KIFC3: variants seen among roughly 807,000 people sequenced by gnomAD.
KIFC3 encodes kinesin family member C3.
Under a neutral mutation model 101.8 loss-of-function variants are expected in KIFC3, and 60 were observed. That is an observed-to-expected ratio of 0.59 (90% CI 0.48 to 0.73). The LOEUF is 0.73. Among genes scored for constraint, KIFC3 ranks in the 30% least tolerant of loss-of-function variants. KIFC3 has a pLI of 0.00. For synonymous variants in KIFC3, 476 were observed against 482.7 expected (o/e 0.99, Z 0.18); for missense variants, 966 against 1,137.1 (o/e 0.85, Z 2.16).
chr16:57,823,153 A>G (rs1316779237), intron 1 of KIFC3, among the ~76,000 whole-genome samples: 1 of 152,216 alleles, frequency 6.6e-6, no homozygotes, highest in Admixed American at 6.5e-5. Context: ...TTTACAATCT[A>G]TTCTTCATCT....
intron 15 of KIFC3, 28 bp from the exon 16 acceptor site, chr16:57,760,983 G>T: frequency 6.2e-7 from 1 of 1,603,990 alleles, no homozygotes. Context: ...ACCAGATCAG[G>T]CCTGCCCTGC....
rs959845970 is a variant in KIFC3, at chr16:57,781,673, G to A, written c.316-9385C>T. 9.9e-5 allele frequency among the ~76,000 whole-genome samples: 15 copies of A among 152,262 alleles called. 1 individual carries two copies. Among genetic ancestry groups the A allele is most frequent in the African/African-American group, 3.6e-4 (15 of 41,476 alleles). On this transcript the variant is annotated intron_variant, in intron 3 of 19. Coordinates refer to ENST00000445690, the MANE Select transcript of KIFC3 (RefSeq NM_001130100.2). ...TCCCACAAGCCCAGGTCCCAACAGT[G>A]ATAATGGAGCCCCGTTAACTGAGTT...
upstream of KIFC3, among the ~76,000 whole-genome samples, chr16:57,804,007 G>A (rs1598177467): frequency 6.6e-6 from 1 of 152,324 alleles, no homozygotes; most frequent in Non-Finnish European, 1.5e-5. Flanking sequence ...GGGGAGGACA[G>A]AATGTCTTTA....
intron 1 of KIFC3, among the ~76,000 whole-genome samples, chr16:57,857,544 C>G (rs769438919): frequency 6.6e-6 from 1 of 151,940 alleles, no homozygotes; most frequent in Non-Finnish European, 1.5e-5. Flanking sequence ...TATCCCTCCT[C>G]TAGCCTCCCA....
intron 2 of KIFC3, among the ~76,000 whole-genome samples, chr16:57,795,890 T>TTG (rs2054270034): frequency 1.9e-5 from 1 of 52,010 alleles, no homozygotes; most frequent in Non-Finnish European, 4.7e-5. Flanking sequence ...TTTTGTTTTT[T>TTG]TTTTTTTTTT....
At chr16:57,759,300 C>T (rs1227163674) in intron 18 of KIFC3, 147 bp from the exon 19 acceptor site, 6 of 973,818 alleles carry the variant, frequency 6.2e-6, no homozygotes, top group Admixed American at 2.4e-5. Context: ...CCCTGGGTCC[C>T]GGTCCTGTGG....
chr16:57,810,255 C>T (rs951993317), intron 1 of KIFC3, among the ~76,000 whole-genome samples: 1 of 152,148 alleles, frequency 6.6e-6, no homozygotes, highest in Admixed American at 6.5e-5. Context: ...GCCACGTGCT[C>T]CTGGAAAGCC....
rs117631675 is a variant in KIFC3 at position 57,794,889 on chromosome 16, G to T, written c.315+110C>A. 29 of 1,007,398 alleles carry T rather than the reference G, an allele frequency of 2.9e-5. No homozygotes were observed. The East Asian group carries it at 8.4e-4, about 29-fold the overall frequency. The allele number at this position is 1,007,398 out of a possible 1,614,324, so 62.4% of individuals were successfully genotyped here. On this transcript the variant is annotated intron_variant, in intron 3 of 19. Transcript: ENST00000445690. ...GGGCCCAACAGAGAGGTGCGAGGTG[G>T]GTCCCCGGCTCTCCCCAGGTGCTTC... is the stretch of plus-strand genomic sequence containing the variant.
Position 57,855,861 on chromosome 16 carries a change from G to A in KIFC3, c.108+6868C>T, listed in dbSNP as rs571495301. Among the ~76,000 whole-genome samples the A allele has an allele frequency of 5.3e-5, 8 of 151,274 alleles. No individual in the cohort carries two copies. The South Asian group carries it at 1.3e-3, about 24-fold the overall frequency. On this transcript the variant is annotated intron_variant, in intron 1 of 2. Coordinates refer to the KIFC3 transcript ENST00000563028. ...CTAGGGAGGCTGAGGCAGAAGAATCGCTTGAACCTGGGAGGCAGAGGTTGT... is the reference window on the plus strand; with the variant it reads ...CTAGGGAGGCTGAGGCAGAAGAATCACTTGAACCTGGGAGGCAGAGGTTGT...
chr16:57,805,367 A>T (rs1555626723), upstream of KIFC3, among the ~76,000 whole-genome samples: 1 of 152,214 alleles, frequency 6.6e-6, no homozygotes, highest in African/African-American at 2.4e-5. Context: ...AACTTCGCTG[A>T]TGATTTGCAT....
intron 2 of KIFC3, among the ~76,000 whole-genome samples, chr16:57,795,812 T>C (rs1408432160): frequency 1.3e-5 from 2 of 151,524 alleles, no homozygotes; most frequent in African/African-American, 4.9e-5. Context: ...GGCGTAACAA[T>C]ATCCCGAGTG....
At chr16:57,854,652 A>G (rs1257768915) in intron 1 of KIFC3, among the ~76,000 whole-genome samples, 1 of 151,884 alleles carries the variant, frequency 6.6e-6, no homozygotes, top group African/African-American at 2.4e-5. Context: ...AAAGAAAGAA[A>G]GAAAATTACC....
chr16:57,813,144 A>G (rs575005954), intron 1 of KIFC3, among the ~76,000 whole-genome samples: 1 of 152,214 alleles, frequency 6.6e-6, no homozygotes, highest in East Asian at 1.9e-4. Context: ...CCTGCTCAAC[A>G]TGGCGAAACT....
chr16:57,761,841 C>A (rs1345963696), intron 13 of KIFC3, among the ~76,000 whole-genome samples: 1 of 152,184 alleles, frequency 6.6e-6, no homozygotes, highest in African/African-American at 2.4e-5. Flanking sequence ...CCCTCCTCCC[C>A]CCAGAACCAT....
intron 11 of KIFC3, among the ~76,000 whole-genome samples, chr16:57,764,957 G>A (rs1318819545): frequency 1.3e-5 from 2 of 151,844 alleles, no homozygotes; most frequent in Non-Finnish European, 2.9e-5. Context: ...GGGTGGGATG[G>A]GCTGTGATGG....
chr16:57,758,790 G>T lies in KIFC3; in HGVS notation c.*144C>A, dbSNP rs782639030. 1.6e-6 allele frequency: 2 copies of T among 1,277,032 alleles called. No homozygotes were observed. Among genetic ancestry groups the T allele is most frequent in the Non-Finnish European group, 2.3e-6 (2 of 880,106 alleles). The allele number at this position is 1,277,032 out of a possible 1,614,324, so 79.1% of individuals were successfully genotyped here. A position where few individuals can be genotyped will look rare whatever the true frequency, so the allele number is the denominator to read the frequency against. On this transcript the variant is annotated 3_prime_UTR_variant, in exon 20 of 20. Coordinates refer to ENST00000445690, the MANE Select transcript of KIFC3 (RefSeq NM_001130100.2). ...TGAGGGGAGACGGGGCAGAAGAAGA[G>T]CCTCCACTCTCGCCTCTACCTCCGG...
chr16:57,762,408 C>A, intron 12 of KIFC3, 138 bp from the exon 13 acceptor site: 1 of 843,472 alleles, frequency 1.2e-6, no homozygotes, highest in South Asian at 1.9e-5. Context: ...TGCCACTGTC[C>A]CCCAAAATGC....
chr16:57,771,494 T>C, intron 5 of KIFC3, 49 bp downstream of exon 5: 1 of 1,609,846 alleles, frequency 6.2e-7, no homozygotes, highest in Non-Finnish European at 8.5e-7. Flanking sequence ...TGTGAGGAGC[T>C]GGGGTGGCCC....
In KIFC3 at chr16:57,772,304, C is replaced by T. The variant is rs781853845; in HGVS notation, c.316-16G>A. 2 of 1,612,848 alleles carry T rather than the reference C, an allele frequency of 1.2e-6. No individual in the cohort carries two copies. Among genetic ancestry groups the T allele is most frequent in the African/African-American group, 1.3e-5 (1 of 74,900 alleles). On this transcript the variant is annotated splice_polypyrimidine_tract_variant and intron_variant, in intron 3 of 19. Transcript: ENST00000445690. ...GGTGTTCTACCTGTGGGCACAGAGT[C>T]AGGAGCAAGGTGAGCCTCAGTCCTC... is the stretch of plus-strand genomic sequence containing the variant.
Sources: allele counts gnomAD v4.1 joint callset (sites outside exome capture counted in the v4.1 genomes callset), GRCh38; gene constraint gnomAD v4.1.1; transcripts MANE v1.5; gene names NCBI Gene and HGNC (gene_info 2026-07-23, HGNC 2026-07-21).